The following SHANK2 variants were observed in gnomAD, a reference collection of about 807,000 sequenced individuals.
The protein encoded by SHANK2 is SH3 and multiple ankyrin repeat domains 2, also known as SH3 and multiple ankyrin repeat domains protein 2.
Under a neutral mutation model 133.7 loss-of-function variants are expected in SHANK2, and 43 were observed. The ratio of observed to expected loss-of-function variants is 0.32; its 90% CI spans 0.25 to 0.41. The LOEUF is 0.41. SHANK2 is among the 10% of genes least tolerant of loss of function. The pLI, the probability that SHANK2 is intolerant of heterozygous loss-of-function variation, is 1.00. For missense variants in SHANK2, 1,994 were observed against 2,235.8 expected, an observed-to-expected ratio of 0.89 and a Z score of 2.18; for synonymous variants, 1,017 against 952.8, an observed-to-expected ratio of 1.07 and a Z score of -1.24.
intron 17 of SHANK2, among the ~76,000 whole-genome samples, chr11:70,629,659 G>A (rs1380025080): frequency 2.0e-5 from 3 of 152,138 alleles, no homozygotes; most frequent in Non-Finnish European, 4.4e-5. Flanking sequence ...GCTCCAAGCC[G>A]GGGAGAGGGG....
At chr11:70,698,602 C>T in intron 15 of SHANK2, 86 bp downstream of exon 15, 1 of 715,008 alleles carries the variant, frequency 1.4e-6, no homozygotes. Context: ...GGCCTGAAAG[C>T]TGCATGCAAG....
At chr11:71,110,421 A>G (rs1273994245) in intron 5 of SHANK2, among the ~76,000 whole-genome samples, 11 of 151,678 alleles carry the variant, frequency 7.3e-5, no homozygotes, top group Admixed American at 7.2e-4. Context: ...CTGGGCAACA[A>G]AGCGAGACTC....
chr11:70,841,265 C>T (rs1276352347), intron 11 of SHANK2, among the ~76,000 whole-genome samples: 5 of 152,020 alleles, frequency 3.3e-5, no homozygotes, highest in East Asian at 1.9e-4. Flanking sequence ...AGCGAGACTC[C>T]GTCTTAAAAA....
chr11:71,157,117 A>AAT (rs1224264776), intron 2 of SHANK2, among the ~76,000 whole-genome samples: 73 of 151,430 alleles, frequency 4.8e-4, no homozygotes, highest in East Asian at 1.7e-3. Context: ...AAGTATAATA[A>AAT]ATATATATAT....
At chr11:71,111,707 T>C (rs1555099278) in intron 5 of SHANK2, among the ~76,000 whole-genome samples, 2 of 152,252 alleles carry the variant, frequency 1.3e-5, no homozygotes, top group African/African-American at 4.8e-5. Flanking sequence ...TTTCTGTATG[T>C]TTCGGAACTA....
intron 10 of SHANK2, among the ~76,000 whole-genome samples, chr11:70,944,807 C>T (rs1950700424): frequency 6.6e-6 from 1 of 152,166 alleles, no homozygotes. Context: ...AAGATGACTC[C>T]TCCAATTCTA....
chr11:71,088,563 G>A (rs1951450176), intron 8 of SHANK2, among the ~76,000 whole-genome samples: 1 of 152,176 alleles, frequency 6.6e-6, no homozygotes, highest in Non-Finnish European at 1.5e-5. Flanking sequence ...TGTCCCCTGG[G>A]GGCCGGCAGC....
At chr11:70,870,245 G>A (rs1322496361) in intron 11 of SHANK2, among the ~76,000 whole-genome samples, 7 of 152,114 alleles carry the variant, frequency 4.6e-5, no homozygotes, top group African/African-American at 1.7e-4. Context: ...AATGAACCCG[G>A]GGTGAGACCC....
intron 17 of SHANK2, among the ~76,000 whole-genome samples, chr11:70,600,410 C>G (rs1239952962): frequency 9.8e-6 from 1 of 102,390 alleles, no homozygotes; most frequent in Non-Finnish European, 1.8e-5. Flanking sequence ...CAGAGCAGGA[C>G]TCTGTCTCAA....
intron 14 of SHANK2, among the ~76,000 whole-genome samples, chr11:70,792,779 CA>C (rs1264930034): frequency 6.6e-6 from 1 of 152,124 alleles, no homozygotes; most frequent in African/African-American, 2.4e-5. Flanking sequence ...TTCTAATTTT[CA>C]GCATCAAAAA....
chr11:70,838,252 C>A (rs1948853337), intron 11 of SHANK2, among the ~76,000 whole-genome samples: 1 of 152,160 alleles, frequency 6.6e-6, no homozygotes, highest in Non-Finnish European at 1.5e-5. Context: ...CTTATCAATA[C>A]ATGTTCTGGT....
chr11:71,094,357 G>C (rs1951569489), intron 7 of SHANK2, among the ~76,000 whole-genome samples, 180 bp downstream of exon 7: 1 of 152,080 alleles, frequency 6.6e-6, no homozygotes, highest in Non-Finnish European at 1.5e-5. Flanking sequence ...AGAGAGAACA[G>C]GAAAATCTGA....
chr11:71,151,257 C>T (rs1952792061), intron 2 of SHANK2, among the ~76,000 whole-genome samples: 1 of 145,574 alleles, frequency 6.9e-6, no homozygotes, highest in African/African-American at 2.7e-5. Context: ...GGGGAGGCCA[C>T]GGGCAGTTCA....
At chr11:71,059,774 C>T (rs1279751193) in intron 9 of SHANK2, among the ~76,000 whole-genome samples, 1 of 152,326 alleles carries the variant, frequency 6.6e-6, no homozygotes, top group African/African-American at 2.4e-5. Flanking sequence ...GTAAAGGCCG[C>T]CCCGTCTCTG....
rs11236901 is a variant in SHANK2 at position 70,617,624 on chromosome 11, C to T, written c.2061+42204G>A. Among the ~76,000 whole-genome samples the T allele has an allele frequency of 3.3e-3, 498 of 152,140 alleles. 2 individuals carry two copies. The highest frequency in any genetic ancestry group is 0.011 in the African/African-American group (450 of 41,498). ...GGACCTACAAAGCCTAGAGCAAGCT[C>T]GAGTTCAGAGTTAACGGGAGAAGAA... On this transcript the variant is annotated intron_variant, in intron 17 of 25. Transcript: ENST00000601538.
At chr11:71,209,206 A>G (rs1354961380) in intron 2 of SHANK2, among the ~76,000 whole-genome samples, 1 of 152,190 alleles carries the variant, frequency 6.6e-6, no homozygotes, top group Non-Finnish European at 1.5e-5. Context: ...CCCCATCCCC[A>G]GGCCAGGATA....
At chr11:70,531,184 A>T (rs2135975523) in intron 17 of SHANK2, among the ~76,000 whole-genome samples, 1 of 151,800 alleles carries the variant, frequency 6.6e-6, no homozygotes, top group African/African-American at 2.4e-5. Context: ...AAAAAAAACA[A>T]AAAGGCTAAG....
At chr11:71,136,410 T>C (rs1952440518) in intron 3 of SHANK2, among the ~76,000 whole-genome samples, 1 of 152,222 alleles carries the variant, frequency 6.6e-6, no homozygotes, top group Non-Finnish European at 1.5e-5. Context: ...ATCCTGAATG[T>C]TCTCACTTAT....
At chr11:70,756,507 C>T (rs782344405) in intron 14 of SHANK2, among the ~76,000 whole-genome samples, 3 of 152,142 alleles carry the variant, frequency 2.0e-5, no homozygotes, top group Non-Finnish European at 2.9e-5. Context: ...TTGAATCCAC[C>T]GCCGCCTGCA....
Sources: gnomAD v4.1 joint callset for allele counts (sites outside exome capture counted in the v4.1 genomes callset) on GRCh38, gnomAD v4.1.1 for gene constraint, MANE v1.5 for transcripts, NCBI Gene and HGNC (gene_info 2026-07-23, HGNC 2026-07-21) for gene names.